AUTS2: variants seen among roughly 807,000 people sequenced by gnomAD.
AUTS2 encodes autism susceptibility gene 2 protein.
In AUTS2, 17 loss-of-function variants were observed where a neutral mutation model predicts 112.4. The ratio of observed to expected loss-of-function variants is 0.15; its 90% confidence interval spans 0.10 to 0.23. The LOEUF (loss-of-function observed/expected upper bound fraction) is 0.23. AUTS2 is among the 10% of genes least tolerant of loss of function. AUTS2 has a pLI of 1.00. For synonymous variants in AUTS2, 751 were observed against 702.7 expected (o/e 1.07, Z -1.09); for missense variants, 1,510 against 1,701.6 (o/e 0.89, Z 1.98).
At position 70,056,296 on chromosome 7, in the gene AUTS2, A is replaced by G. The variant is rs563730820; in HGVS notation, c.523-61836A>G. Among the ~76,000 whole-genome samples, 8 of 152,142 alleles carry G rather than the reference A, an allele frequency of 5.3e-5. No individual in the cohort carries two copies. The South Asian group carries it at 8.3e-4, about 16-fold the overall frequency. The stretch of plus-strand genomic sequence containing the variant: ...CTCTTGCCATCTTAGAGTCTTTGCA[A>G]TTTTTACTTTTATAGCCTAAAGTGG... On this transcript the variant is annotated intron_variant, in intron 2 of 18. Transcript: ENST00000342771.
intron 4 of AUTS2, among the ~76,000 whole-genome samples, chr7:70,391,213 G>C (rs1250211272): frequency 1.3e-5 from 2 of 152,158 alleles, no homozygotes; most frequent in Non-Finnish European, 2.9e-5. Context: ...GATTTAGAAA[G>C]AGTCCCCTGT....
intron 1 of AUTS2, chr7:69,643,385 C>T (rs1185835534): frequency 2.0e-5 from 3 of 153,404 alleles, no homozygotes; most frequent in East Asian, 1.9e-4. Context: ...TCATGGGGGC[C>T]GTCTGAAGCA....
chr7:69,698,519 G>T (rs1797658769), intron 1 of AUTS2, among the ~76,000 whole-genome samples: 2 of 152,094 alleles, frequency 1.3e-5, no homozygotes. Flanking sequence ...GAGCCTGGGG[G>T]TTCCTTCTTA....
chr7:69,760,745 G>C (rs1323271780), intron 1 of AUTS2, among the ~76,000 whole-genome samples: 1 of 152,108 alleles, frequency 6.6e-6, no homozygotes, highest in African/African-American at 2.4e-5. Flanking sequence ...GCTTGAACTT[G>C]GGAGGTGGAG....
intron 2 of AUTS2, among the ~76,000 whole-genome samples, chr7:70,096,447 A>G (rs1804203755): frequency 6.6e-6 from 1 of 151,806 alleles, no homozygotes; most frequent in Non-Finnish European, 1.5e-5. Context: ...AAATACAAAA[A>G]ATTAGCTGGG....
At chr7:70,333,645 A>G (rs922528038) in intron 4 of AUTS2, among the ~76,000 whole-genome samples, 5 of 152,210 alleles carry the variant, frequency 3.3e-5, no homozygotes, top group Admixed American at 1.3e-4. Context: ...GGATGAGTTC[A>G]TGTCCTCTAC....
chr7:70,599,735 C>G (rs35854332), intron 5 of AUTS2, among the ~76,000 whole-genome samples: 1 of 152,132 alleles, frequency 6.6e-6, no homozygotes, highest in African/African-American at 2.4e-5. Context: ...AGCAGCAATA[C>G]AGGCCCAGTG....
intron 5 of AUTS2, among the ~76,000 whole-genome samples, chr7:70,611,269 G>T (rs1473099121): frequency 1.3e-5 from 2 of 152,212 alleles, no homozygotes; most frequent in African/African-American, 2.4e-5. Flanking sequence ...AAAGAGTGAA[G>T]TGTTACTTGT....
chr7:70,647,067 C>T (rs965741921), intron 5 of AUTS2, among the ~76,000 whole-genome samples: 10 of 152,192 alleles, frequency 6.6e-5, no homozygotes, highest in Admixed American at 1.3e-4. Flanking sequence ...AGAAGTCAGA[C>T]AAGACCCAGG....
intron 5 of AUTS2, among the ~76,000 whole-genome samples, chr7:70,498,789 G>C (rs1394162974): frequency 6.6e-6 from 1 of 152,224 alleles, no homozygotes; most frequent in Non-Finnish European, 1.5e-5. Flanking sequence ...AATAATTAGA[G>C]CTGCGATGAT....
At chr7:69,780,796 T>TA (rs1285157650) in intron 1 of AUTS2, among the ~76,000 whole-genome samples, 2 of 152,204 alleles carry the variant, frequency 1.3e-5, no homozygotes, top group Admixed American at 6.5e-5. Flanking sequence ...TTTCCACTCT[T>TA]ACTTCATTGC....
chr7:69,743,559 C>T (rs915759387), intron 1 of AUTS2, among the ~76,000 whole-genome samples: 5 of 152,060 alleles, frequency 3.3e-5, no homozygotes, highest in African/African-American at 1.2e-4. Context: ...TGACTTTGAG[C>T]TACAGTCACC....
intron 2 of AUTS2, among the ~76,000 whole-genome samples, chr7:70,085,776 A>G (rs1418788460): frequency 6.6e-6 from 1 of 152,210 alleles, no homozygotes; most frequent in Admixed American, 6.5e-5. Flanking sequence ...GTTTATTTAC[A>G]TGTAGGCCTA....
intron 4 of AUTS2, among the ~76,000 whole-genome samples, chr7:70,244,663 T>C (rs1812803690): frequency 6.6e-6 from 1 of 152,198 alleles, no homozygotes. Context: ...ATTGATATGC[T>C]TTATGGATTT....
intron 5 of AUTS2, among the ~76,000 whole-genome samples, chr7:70,572,625 C>T (rs868821050): frequency 6.6e-6 from 1 of 152,088 alleles, no homozygotes; most frequent in African/African-American, 2.4e-5. Context: ...ACTGTGCAGC[C>T]GAGACCTAAC....
intron 4 of AUTS2, among the ~76,000 whole-genome samples, chr7:70,334,386 G>A (rs1790896630): frequency 6.6e-6 from 1 of 152,164 alleles, no homozygotes. Context: ...ACTGATAACA[G>A]ATACAGAGAA....
chr7:70,691,334 T>G (rs1168862384), intron 5 of AUTS2, among the ~76,000 whole-genome samples: 3 of 151,722 alleles, frequency 2.0e-5, no homozygotes, highest in African/African-American at 7.3e-5. Flanking sequence ...TTAATCCACC[T>G]CCATGTAACA....
rs554898438 is a variant in AUTS2 at position 70,681,906 on chromosome 7, G to T, written c.691-16663G>T. On this transcript the variant is annotated intron_variant, in intron 5 of 18. Transcript: ENST00000342771. ...TTACTTTAAAGTCTTTCACACTCCC[G>T]AGGCCGTCAGCAAAGCACTCATATC... is the stretch of plus-strand genomic sequence containing the variant. Among the ~76,000 whole-genome samples, 3 of 152,218 alleles carry T rather than the reference G, an allele frequency of 2.0e-5. No homozygotes were observed. The East Asian group carries it at 5.8e-4, about 29-fold the overall frequency.
At chr7:70,082,972 G>C (rs564886277) in intron 2 of AUTS2, among the ~76,000 whole-genome samples, 1 of 152,134 alleles carries the variant, frequency 6.6e-6, no homozygotes, top group Non-Finnish European at 1.5e-5. Context: ...AAACAAAGCA[G>C]GAATATTCTT....
Sources: allele counts gnomAD v4.1 joint callset (sites outside exome capture counted in the v4.1 genomes callset), GRCh38; gene constraint gnomAD v4.1.1; transcripts MANE v1.5; gene names NCBI Gene and HGNC (gene_info 2026-07-23, HGNC 2026-07-21).